Variants in AGAP5 observed in about 807,000 individuals in gnomAD.
AGAP5 encodes the protein arf-GAP with GTPase, ANK repeat and PH domain-containing protein 5.
AGAP5 carries 8 observed loss-of-function variants against 27.7 expected under a neutral mutation model. That is an observed-to-expected ratio of 0.29 (90% CI 0.17 to 0.52). The LOEUF is 0.52. AGAP5 is among the 20% of genes least tolerant of loss of function. The pLI is 0.97. For synonymous variants in AGAP5, 111 were observed against 338.0 expected (o/e 0.33, Z 7.37); for missense variants, 285 against 880.8 (o/e 0.32, Z 8.56).
intron 2 of AGAP5, among the ~76,000 whole-genome samples, 195 bp from the exon 3 acceptor site, chr10:73,694,999 G>A (rs949712806): frequency 5.3e-5 from 8 of 151,824 alleles, no homozygotes. Flanking sequence ...TCAGGAGGCT[G>A]AGATGGGAAA....
At chr10:73,676,291 CAAAAAAAA>C (rs371426814) in intron 7 of AGAP5, among the ~76,000 whole-genome samples, 7 of 71,802 alleles carry the variant, frequency 9.7e-5, no homozygotes, top group Admixed American at 1.5e-4. Flanking sequence ...CCTGTCTTTA[CAAAAAAAA>C]AAAAAAAAAG....
At chr10:73,685,553 CTTT>C (rs531865280) in intron 4 of AGAP5, among the ~76,000 whole-genome samples, 4 of 139,278 alleles carry the variant, frequency 2.9e-5, no homozygotes, top group Admixed American at 7.2e-5. Flanking sequence ...GGTGGATTAT[CTTT>C]TTTTTTTTTT....
Position 73,674,498 on chromosome 10 carries a change from T to C in AGAP5, c.*101A>G. ...TTTATGAAAAGTACTGAAAATGCTATTACTAGCTGAATTTGTGATTTCCTT... is the reference window on the plus strand; with the variant it reads ...TTTATGAAAAGTACTGAAAATGCTACTACTAGCTGAATTTGTGATTTCCTT... On this transcript the variant is annotated 3_prime_UTR_variant, in exon 8 of 8. Transcript: ENST00000374094. The C allele has an allele frequency of 3.8e-6, 6 of 1,591,752 alleles. No homozygotes were observed. Among genetic ancestry groups the C allele is most frequent in the East Asian group, 2.2e-5 (1 of 44,612 alleles).
In AGAP5 at chr10:73,674,443, G is replaced by T; in HGVS notation, c.*156C>A. The T allele has an allele frequency of 6.6e-7, 1 of 1,511,728 alleles. No individual in the cohort carries two copies. Among genetic ancestry groups the T allele is most frequent in the Non-Finnish European group, 8.9e-7 (1 of 1,123,310 alleles). 93.6% of individuals were successfully genotyped at this position (1,511,728 alleles called of 1,614,324 possible). Reference sequence around the variant, plus strand: ...GGACATAAAATATGTCTTATGGTCAGAAAAATCAACATTTTGTGTATTTAC... The same window carrying T: ...GGACATAAAATATGTCTTATGGTCATAAAAATCAACATTTTGTGTATTTAC... On this transcript the variant is annotated 3_prime_UTR_variant, in exon 8 of 8. Coordinates refer to ENST00000374094, the MANE Select transcript of AGAP5 (RefSeq NM_001144000.4).
chr10:73,694,068 C>T (rs1458908402), intron 3 of AGAP5, among the ~76,000 whole-genome samples: 1 of 152,176 alleles, frequency 6.6e-6, no homozygotes, highest in East Asian at 1.9e-4. Context: ...AGAACCCTCA[C>T]TTGTATTCTT....
intron 4 of AGAP5, among the ~76,000 whole-genome samples, chr10:73,686,784 A>C (rs2082067804): frequency 1.3e-5 from 2 of 152,234 alleles, no homozygotes; most frequent in Admixed American, 1.3e-4. Flanking sequence ...ATATATGAGG[A>C]ATACCACCTC....
At chr10:73,688,329 T>A (rs2132452518) in intron 4 of AGAP5, among the ~76,000 whole-genome samples, 1 of 152,186 alleles carries the variant, frequency 6.6e-6, no homozygotes, top group Middle Eastern at 3.4e-3. Flanking sequence ...CACTGAGGTC[T>A]CCCAAATGAA....
rs1476713501 is a variant in AGAP5, at chr10:73,697,690, C to G, written c.66G>C (p.Gly22=). 1.3e-6 allele frequency: 2 copies of G among 1,598,808 alleles called. No individual in the cohort carries two copies. The highest frequency in any genetic ancestry group is 2.7e-5 in the African/African-American group (2 of 74,862). ...SVSLEFDQQQ[G]SVCPSESEIY... ...TCTCAGATTCAGAGGGACACACCGA[C>G]CCCTGTTGCTGGTCAAACTCGAGGC... Residue 22 remains glycine (G), a synonymous_variant, in exon 1 of 8, where the codon GGG becomes GGC. Transcript: ENST00000374094.
intron 4 of AGAP5, among the ~76,000 whole-genome samples, chr10:73,689,122 G>A (rs577888245): frequency 2.0e-5 from 3 of 151,290 alleles, no homozygotes; most frequent in Admixed American, 6.6e-5. Context: ...GAGTGCCTGC[G>A]ATTGCAGGCG....
At position 73,674,357 on chromosome 10, in the gene AGAP5, C is replaced by A. The variant is rs2081957717; in HGVS notation, c.*242G>T. On this transcript the variant is annotated 3_prime_UTR_variant, in exon 8 of 8. Coordinates refer to ENST00000374094, the MANE Select transcript of AGAP5 (RefSeq NM_001144000.4). Reference sequence around the variant, plus strand: ...TTATCTAAATACATAATACAGAAGCCTGTGTGACTTGGGCAATGTGGCCAG... The same window carrying A: ...TTATCTAAATACATAATACAGAAGCATGTGTGACTTGGGCAATGTGGCCAG... 2 of 644,896 alleles carry A rather than the reference C, an allele frequency of 3.1e-6. No homozygotes were observed. Among genetic ancestry groups the A allele is most frequent in the South Asian group, 4.0e-5 (2 of 50,566 alleles). The allele number at this position is 644,896 out of a possible 1,614,324, so 39.9% of individuals were successfully genotyped here.
intron 4 of AGAP5, among the ~76,000 whole-genome samples, chr10:73,690,143 A>G (rs1262310498): frequency 1.3e-5 from 2 of 152,234 alleles, no homozygotes; most frequent in East Asian, 1.9e-4. Context: ...CATGATGACA[A>G]TGGCGGTTTT....
At position 73,697,141 on chromosome 10, in the gene AGAP5, G is replaced by A. The variant is rs2132464817; in HGVS notation, c.246C>T (p.Ala82=). 6.3e-7 allele frequency: 1 copy of A among 1,598,148 alleles called. No individual in the cohort carries two copies. The highest frequency in any genetic ancestry group is 1.3e-5 in the African/African-American group (1 of 74,956). The change falls in exon 2 of 8, where the codon GCC becomes GCT. Residue 82 remains alanine (A), a synonymous_variant. Transcript: ENST00000374094. The stretch of plus-strand genomic sequence containing the variant: ...GGAATATTGTGCTTGCCTCTGGATT[G>A]GCAGAAAGGCTAAACTCCAAAGCTA... ...MPEALEFSLS[A]NPEASTIFQR...
intron 4 of AGAP5, among the ~76,000 whole-genome samples, chr10:73,690,425 GTCA>G (rs902786084): frequency 3.9e-5 from 6 of 152,058 alleles, no homozygotes; most frequent in Non-Finnish European, 7.4e-5. Flanking sequence ...CTCCTTAAGA[GTCA>G]TCACCACTCC....
At chr10:73,689,676 C>T (rs555878386) in intron 4 of AGAP5, among the ~76,000 whole-genome samples, 170 of 151,792 alleles carry the variant, frequency 1.1e-3, no homozygotes, top group African/African-American at 3.6e-3. Context: ...TCTGCCCGGC[C>T]GCCCCGTCTG....
intron 4 of AGAP5, among the ~76,000 whole-genome samples, chr10:73,688,938 CCTCCTCTGCCTCCTCTGT>C (rs1164186595): frequency 9.2e-5 from 14 of 152,084 alleles, no homozygotes; most frequent in Admixed American, 1.3e-4. Context: ...TCTGCCTCTG[CCTCCTCTGCCTCCTCTGT>C]CTCCTCTGCC....
At chr10:73,695,870 T>C (rs1192218036) in intron 2 of AGAP5, among the ~76,000 whole-genome samples, 2 of 152,176 alleles carry the variant, frequency 1.3e-5, no homozygotes, top group African/African-American at 4.8e-5. Context: ...TCAAGAACCA[T>C]ATTATTACCC....
In AGAP5 at chr10:73,692,630, TA is replaced by T. The variant is rs1280090207; in HGVS notation, c.362-554del. On this transcript the variant is annotated intron_variant, in intron 3 of 7. Transcript: ENST00000374094. ...TACACAACTGGAAAGTAACCTATCTTAAATTTTTTTTTTTTTTTTTTTTTTT... is the reference window on the plus strand; with the variant it reads ...TACACAACTGGAAAGTAACCTATCTTAATTTTTTTTTTTTTTTTTTTTTTT... Among the ~76,000 whole-genome samples the T allele has an allele frequency of 9.7e-5, 14 of 143,600 alleles. No homozygotes were observed. The East Asian group carries it at 1.6e-3, about 16-fold the overall frequency. 94.2% of individuals were successfully genotyped at this position (143,600 alleles called of 152,430 possible). A position where few individuals can be genotyped will look rare whatever the true frequency, so the allele number is the denominator to read the frequency against.
chr10:73,686,286 C>T (rs1393511599), intron 4 of AGAP5, among the ~76,000 whole-genome samples: 1 of 152,156 alleles, frequency 6.6e-6, no homozygotes, highest in Non-Finnish European at 1.5e-5. Context: ...AACAAAGCCA[C>T]CTAAAACATA....
At position 73,677,298 on chromosome 10, in the gene AGAP5, T is replaced by C. The variant is rs1406129633; in HGVS notation, c.534-528A>G. On this transcript the variant is annotated intron_variant, in intron 6 of 7. Coordinates refer to ENST00000374094, the MANE Select transcript of AGAP5 (RefSeq NM_001144000.4). ...TGCATTGTGCCTGTGTATAAACCAG[T>C]GGTTCTCCAAATGTGCTCTGTGGAC... 1.6e-4 allele frequency among the ~76,000 whole-genome samples: 24 copies of C among 149,966 alleles called. 1 individual carries two copies. Among genetic ancestry groups the C allele is most frequent in the African/African-American group, 5.4e-4 (22 of 40,620 alleles).
Sources: allele counts gnomAD v4.1 joint callset (sites outside exome capture counted in the v4.1 genomes callset), GRCh38; gene constraint gnomAD v4.1.1; transcripts MANE v1.5; gene names NCBI Gene and HGNC (gene_info 2026-07-23, HGNC 2026-07-21).